UBN2: variants seen among roughly 807,000 people sequenced by gnomAD.
The protein encoded by UBN2 is ubinuclein-2.
Under a neutral mutation model 120.2 loss-of-function variants are expected in UBN2, and 35 were observed. The ratio of observed to expected loss-of-function variants is 0.29; its 90% confidence interval spans 0.22 to 0.39. UBN2 has a LOEUF of 0.39. UBN2 is among the 10% of genes least tolerant of loss of function. UBN2 has a pLI of 1.00. For synonymous variants in UBN2, 661 were observed against 648.7 expected, an observed-to-expected ratio of 1.02 and a Z score of -0.29; for missense variants, 1,693 against 1,663.2, an observed-to-expected ratio of 1.02 and a Z score of -0.31.
At chr7:139,267,815 T>G (rs1209568905) in intron 7 of UBN2, among the ~76,000 whole-genome samples, 1 of 152,178 alleles carries the variant, frequency 6.6e-6, no homozygotes, top group Non-Finnish European at 1.5e-5. Flanking sequence ...CTAGTTACTT[T>G]AACCAGGAAT....
chr7:139,268,096 C>T (rs1028667231), intron 7 of UBN2, among the ~76,000 whole-genome samples: 3 of 152,138 alleles, frequency 2.0e-5, no homozygotes, highest in South Asian at 2.1e-4. Context: ...TGTTTCTCTC[C>T]GGGGAGAGTC....
Position 139,293,212 on chromosome 7 carries a change from G to C in UBN2, c.3670-20G>C, listed in dbSNP as rs555793946. ...GGTTGCTTTATTTCTTATGTATTTT[G>C]ACCCCTGGTTTCTGCACAGTCCACA... On this transcript the variant is annotated intron_variant, in intron 15 of 17. Coordinates refer to ENST00000473989, the MANE Select transcript of UBN2 (RefSeq NM_173569.4). The C allele has an allele frequency of 2.8e-4, 450 of 1,601,050 alleles. 6 individuals carry two copies. The South Asian group carries it at 4.6e-3, about 16-fold the overall frequency.
At chr7:139,292,940 T>C (rs1467191761) in intron 15 of UBN2, among the ~76,000 whole-genome samples, 1 of 152,178 alleles carries the variant, frequency 6.6e-6, no homozygotes, top group Non-Finnish European at 1.5e-5. Context: ...GAGCTGAAAT[T>C]GCATGGAATT....
At chr7:139,322,617 CTTTTTTT>C in the UBN2 span, among the ~76,000 whole-genome samples, 2 of 102,812 alleles carry the variant, frequency 1.9e-5, no homozygotes, top group African/African-American at 8.2e-5. Context: ...ACCATCTGGA[CTTTTTTT>C]TTTTTTTTTT....
chr7:139,293,255 G>A lies in UBN2; in HGVS notation c.3693G>A (p.Leu1231=). Reference sequence around the variant, plus strand: ...AGTCCACAGCAGGAGCATCATTATTGGCTAATGCCTCACCTCTGACTCTCA... The same window carrying A: ...AGTCCACAGCAGGAGCATCATTATTAGCTAATGCCTCACCTCTGACTCTCA... ...SVQSTAGASL[L]ANASPLTLMT... is the part of the protein sequence containing the mutation. Residue 1231 remains leucine, a synonymous_variant, in exon 16 of 18, where the codon TTG becomes TTA. Coordinates refer to ENST00000473989, the MANE Select transcript of UBN2 (RefSeq NM_173569.4). 6.2e-7 allele frequency: 1 copy of A among 1,614,132 alleles called. No homozygotes were observed. Among genetic ancestry groups the A allele is most frequent in the Non-Finnish European group, 8.5e-7 (1 of 1,179,998 alleles).
intron 15 of UBN2, among the ~76,000 whole-genome samples, chr7:139,292,268 G>C (rs1797982811): frequency 6.6e-6 from 1 of 152,104 alleles, no homozygotes; most frequent in African/African-American, 2.4e-5. Flanking sequence ...AAAGGGGGCG[G>C]AGTTTGGGCA....
rs765503131 is a variant in UBN2, at chr7:139,297,864, G to A, written c.*28G>A. 1.9e-6 allele frequency: 3 copies of A among 1,613,236 alleles called. No individual in the cohort carries two copies. The highest frequency in any genetic ancestry group is 2.5e-6 in the Non-Finnish European group (3 of 1,179,246). On this transcript the variant is annotated 3_prime_UTR_variant, in exon 18 of 18. Coordinates refer to ENST00000473989, the MANE Select transcript of UBN2 (RefSeq NM_173569.4). ...GCCCAGCAAGCAAAGGAGACGAAATGTTTAGTTGACTGATGGAATCTACCT... is the reference window on the plus strand; with the variant it reads ...GCCCAGCAAGCAAAGGAGACGAAATATTTAGTTGACTGATGGAATCTACCT...
rs779781897 is a variant in UBN2 at position 139,269,516 on chromosome 7, A to G, written c.1589A>G (p.Asn530Ser). 18 of 1,613,892 alleles carry G rather than the reference A, an allele frequency of 1.1e-5. No homozygotes were observed. Among genetic ancestry groups the G allele is most frequent in the Middle Eastern group, 1.6e-4 (1 of 6,062 alleles). The change falls in exon 8 of 18, where the codon AAT becomes AGT. Residue 530 changes from asparagine (N) to serine (S), a missense_variant. This residue lies in a region of UBN2 where 178 missense variants were observed against 204.0 expected (regional missense o/e 0.87). Transcript: ENST00000473989. Reference sequence around the variant, plus strand: ...AAACGTCTGAAGAAGTTACATCTCAATGTCCAGGTAAGAGGAAGAACAATA... The same window carrying G: ...AAACGTCTGAAGAAGTTACATCTCAGTGTCCAGGTAAGAGGAAGAACAATA... ...LVKRLKKLHLNVQDDRLREPL... is the reference protein window; with the variant it reads ...LVKRLKKLHLSVQDDRLREPL...
intron 15 of UBN2, among the ~76,000 whole-genome samples, chr7:139,287,115 G>A (rs1221570300): frequency 6.6e-6 from 1 of 152,056 alleles, no homozygotes; most frequent in Non-Finnish European, 1.5e-5. Flanking sequence ...GAAAAAAAAG[G>A]TATATGGAAG....
downstream of UBN2, among the ~76,000 whole-genome samples, chr7:139,310,902 A>G (rs933624724): frequency 6.6e-6 from 1 of 152,218 alleles, no homozygotes; most frequent in Non-Finnish European, 1.5e-5. Flanking sequence ...ATAGTATTCT[A>G]TAGTTGTGAT....
Position 139,297,819 on chromosome 7 carries a change from C to G in UBN2, c.4027C>G (p.Pro1343Ala), listed in dbSNP as rs767121611. The G allele has an allele frequency of 1.9e-6, 3 of 1,613,956 alleles. No homozygotes were observed. In the African/African-American group the frequency reaches 4.0e-5, roughly 22 times the overall value. The change falls in exon 18 of 18, where the codon CCA becomes GCA. Residue 1343 changes from proline to alanine, a missense_variant. Coordinates refer to ENST00000473989, the MANE Select transcript of UBN2 (RefSeq NM_173569.4). ...CCAAAGTAAAGGGGACACTAAATTA[C>G]CACGGAAATCTCAGTGACTGCCCAG... ...GGQSKGDTKL[P>A]RKSQ
intron 2 of UBN2, among the ~76,000 whole-genome samples, chr7:139,246,599 C>T (rs543012711): frequency 2.0e-5 from 3 of 152,108 alleles, no homozygotes; most frequent in African/African-American, 4.8e-5. Flanking sequence ...CCGTTTTAAG[C>T]GTACAGTTTG....
chr7:139,292,063 C>A (rs1797973744), intron 15 of UBN2, among the ~76,000 whole-genome samples: 1 of 152,016 alleles, frequency 6.6e-6, no homozygotes, highest in Non-Finnish European at 1.5e-5. Context: ...CTAGCCTGGG[C>A]AACATGGTGA....
In UBN2 at chr7:139,283,952, A is replaced by G. The variant is rs775865083; in HGVS notation, c.3047A>G (p.Lys1016Arg). The change falls in exon 15 of 18, where the codon AAG (lysine) becomes AGG (arginine). Residue 1016 changes from lysine to arginine, a missense_variant. By Grantham distance (26) the Lys-to-Arg change is conservative. Transcript: ENST00000473989. ...ACTACCTCCAGTAACTATTTAGCCA[A>G]GGCTATGGTGTCACAGATCTCCACG... is the stretch of plus-strand genomic sequence containing the variant. The part of the protein sequence containing the change: ...STTTSSNYLA[K>R]AMVSQISTQG... 89 of 1,613,960 alleles carry G rather than the reference A, an allele frequency of 5.5e-5. No individual in the cohort carries two copies. The South Asian group carries it at 9.7e-4, about 18-fold the overall frequency.
intron 2 of UBN2, among the ~76,000 whole-genome samples, chr7:139,238,389 C>T (rs887696078): frequency 6.6e-6 from 1 of 152,064 alleles, no homozygotes; most frequent in African/African-American, 2.4e-5. Context: ...TAATTGTGTC[C>T]TTTTGGTGAG....
chr7:139,279,485 C>T, intron 13 of UBN2, 125 bp downstream of exon 13: 1 of 671,126 alleles, frequency 1.5e-6, no homozygotes, highest in African/African-American at 1.8e-5. Context: ...ATGTTTTCAA[C>T]TTCATAATAA....
rs1798183037 is a variant in UBN2 at position 139,298,814 on chromosome 7, T to C, written c.*978T>C. ...CTTCACAACTTCTCCTTCTGTTCTT[T>C]TAGCTAGTGGTCCTTCAGGTGATTA... On this transcript the variant is annotated 3_prime_UTR_variant, in exon 18 of 18. Transcript: ENST00000473989. 2 of 152,172 alleles carry C rather than the reference T, an allele frequency of 1.3e-5. No homozygotes were observed. The highest frequency in any genetic ancestry group is 2.9e-5 in the Non-Finnish European group (2 of 68,026). The allele number at this position is 152,172 out of a possible 1,614,324, so 9.4% of individuals were successfully genotyped here.
At chr7:139,294,773 G>A (rs933623542) in intron 17 of UBN2, among the ~76,000 whole-genome samples, 3 of 152,134 alleles carry the variant, frequency 2.0e-5, no homozygotes, top group Admixed American at 2.0e-4. Context: ...CCCAGGAGGT[G>A]GAGGTTGCGG....
chr7:139,284,736 C>G (rs936484293), intron 15 of UBN2, among the ~76,000 whole-genome samples, 162 bp downstream of exon 15: 1 of 152,076 alleles, frequency 6.6e-6, no homozygotes, highest in Non-Finnish European at 1.5e-5. Flanking sequence ...ATCACAGTGA[C>G]AGGCACACTT....
Sources: gnomAD v4.1 joint callset for allele counts (sites outside exome capture counted in the v4.1 genomes callset) on GRCh38, gnomAD v4.1.1 for gene constraint, gnomAD v4.1.1 regional missense constraint, MANE v1.5 for transcripts, NCBI Gene and HGNC (gene_info 2026-07-23, HGNC 2026-07-21) for gene names.